SSBP2: variants seen among roughly 807,000 people sequenced by gnomAD.
The protein encoded by SSBP2 is single-stranded DNA-binding protein 2.
In SSBP2, 17 loss-of-function variants were observed where a neutral mutation model predicts 61.8. The ratio of observed to expected loss-of-function variants is 0.28; its 90% CI spans 0.19 to 0.41. The LOEUF is 0.41. Ranked by LOEUF, SSBP2 falls within the 10% of genes least tolerant of loss-of-function variation. SSBP2 has a pLI of 1.00. For missense variants in SSBP2, 310 were observed against 458.7 expected (o/e 0.68, Z 2.96); for synonymous variants, 139 against 141.3 (o/e 0.98, Z 0.12).
intron 2 of SSBP2, among the ~76,000 whole-genome samples, chr5:81,640,802 G>A (rs977267370): frequency 6.6e-6 from 1 of 151,808 alleles, no homozygotes; most frequent in Non-Finnish European, 1.5e-5. Context: ...AAAAACCTAT[G>A]TCTCATCCTT....
chr5:81,578,877 C>T (rs950847596), intron 4 of SSBP2, among the ~76,000 whole-genome samples: 1 of 151,872 alleles, frequency 6.6e-6, no homozygotes, highest in Non-Finnish European at 1.5e-5. Flanking sequence ...TGCCACACTC[C>T]CTAAGTAACA....
chr5:81,661,865 T>C (rs901216717), intron 1 of SSBP2, among the ~76,000 whole-genome samples: 5 of 152,210 alleles, frequency 3.3e-5, no homozygotes, highest in African/African-American at 1.2e-4. Flanking sequence ...TTACCTACTT[T>C]TGCTTTTGTT....
At chr5:81,634,798 C>G (rs1332788323) in intron 3 of SSBP2, among the ~76,000 whole-genome samples, 1 of 152,198 alleles carries the variant, frequency 6.6e-6, no homozygotes, top group African/African-American at 2.4e-5. Flanking sequence ...AAAACATCCC[C>G]CTTCTCTATC....
intron 1 of SSBP2, among the ~76,000 whole-genome samples, chr5:81,744,487 CT>C (rs1281778406): frequency 6.6e-6 from 1 of 151,914 alleles, no homozygotes; most frequent in Non-Finnish European, 1.5e-5. Context: ...TTATTCTTGC[CT>C]TTACAAATAT....
chr5:81,455,801 A>T (rs1291282176), intron 10 of SSBP2, among the ~76,000 whole-genome samples: 1 of 152,220 alleles, frequency 6.6e-6, no homozygotes, highest in Non-Finnish European at 1.5e-5. Flanking sequence ...TTGACAGAGA[A>T]TAAAATTAAG....
At chr5:81,556,577 G>A (rs969325422) in intron 4 of SSBP2, among the ~76,000 whole-genome samples, 1 of 152,072 alleles carries the variant, frequency 6.6e-6, no homozygotes, top group Non-Finnish European at 1.5e-5. Flanking sequence ...CTGTGACAAT[G>A]ATAGAGGTCT....
intron 1 of SSBP2, among the ~76,000 whole-genome samples, chr5:81,717,142 A>C (rs895007897): frequency 2.0e-5 from 3 of 152,134 alleles, no homozygotes; most frequent in Non-Finnish European, 2.9e-5. Flanking sequence ...GGGTATGGCC[A>C]GAATGCAAGA....
rs59002679 is a variant in SSBP2, at chr5:81,444,776, A to G, written c.779-2053T>C. Among the ~76,000 whole-genome samples the G allele has an allele frequency of 4.8e-3, 736 of 152,244 alleles. 2 individuals carry two copies. The highest frequency in any genetic ancestry group is 0.016 in the African/African-American group (681 of 41,552). Reference sequence around the variant, plus strand: ...AGAAAAGAAATTTATCATTTTAAAGACTAATCAAGAATATAATTTCATCTG... The same window carrying G: ...AGAAAAGAAATTTATCATTTTAAAGGCTAATCAAGAATATAATTTCATCTG... On this transcript the variant is annotated intron_variant, in intron 12 of 16. Transcript: ENST00000320672.
intron 14 of SSBP2, 55 bp downstream of exon 14, chr5:81,440,503 T>A: frequency 6.7e-7 from 1 of 1,482,820 alleles, no homozygotes; most frequent in Non-Finnish European, 9.4e-7. Context: ...ATGCACTAGG[T>A]AGAATTAAGG....
chr5:81,669,791 AGAAAT>A (rs760486047), intron 1 of SSBP2, among the ~76,000 whole-genome samples: 1 of 152,094 alleles, frequency 6.6e-6, no homozygotes, highest in East Asian at 1.9e-4. Context: ...TTTTTAAAGA[AGAAAT>A]GAAGAAAAAA....
intron 4 of SSBP2, among the ~76,000 whole-genome samples, chr5:81,568,122 T>C (rs1335296128): frequency 1.3e-5 from 2 of 152,118 alleles, no homozygotes; most frequent in African/African-American, 2.4e-5. Context: ...TGTGAAGATA[T>C]GAGATTTTGG....
intron 4 of SSBP2, among the ~76,000 whole-genome samples, chr5:81,583,432 A>G (rs1360771570): frequency 4.6e-5 from 7 of 152,056 alleles, no homozygotes; most frequent in Non-Finnish European, 8.8e-5. Flanking sequence ...GATTGAGACC[A>G]TCCTGGCTAA....
intron 4 of SSBP2, among the ~76,000 whole-genome samples, chr5:81,584,145 GT>G (rs553993510): frequency 3.9e-3 from 594 of 151,824 alleles, no homozygotes; most frequent in African/African-American, 0.013. Flanking sequence ...AAGTAGGTAG[GT>G]TTTTTTTATA....
chr5:81,590,006 T>A (rs908633341), intron 4 of SSBP2, among the ~76,000 whole-genome samples: 3 of 152,088 alleles, frequency 2.0e-5, no homozygotes, highest in Non-Finnish European at 4.4e-5. Flanking sequence ...AGATTAAGTT[T>A]CCAACACAAA....
At chr5:81,738,194 T>C (rs1263170353) in intron 1 of SSBP2, among the ~76,000 whole-genome samples, 1 of 152,208 alleles carries the variant, frequency 6.6e-6, no homozygotes, top group African/African-American at 2.4e-5. Flanking sequence ...TCCAGAGTGC[T>C]GGTAATGTTC....
chr5:81,658,272 T>C (rs1413114318), intron 1 of SSBP2, among the ~76,000 whole-genome samples: 7 of 152,184 alleles, frequency 4.6e-5, no homozygotes, highest in Admixed American at 1.3e-4. Flanking sequence ...ATGGCTTCAA[T>C]GTTTTTAGAT....
At chr5:81,634,466 A>G (rs1011758180) in intron 3 of SSBP2, among the ~76,000 whole-genome samples, 1 of 152,172 alleles carries the variant, frequency 6.6e-6, no homozygotes, top group African/African-American at 2.4e-5. Flanking sequence ...CACCTTGGGA[A>G]CATGTTCTCA....
At chr5:81,669,195 A>G (rs1214026484) in intron 1 of SSBP2, among the ~76,000 whole-genome samples, 1 of 152,240 alleles carries the variant, frequency 6.6e-6, no homozygotes, top group East Asian at 1.9e-4. Flanking sequence ...AATTCTGGCA[A>G]TGATGTAGAG....
chr5:81,599,081 A>G (rs1245416770), intron 4 of SSBP2, among the ~76,000 whole-genome samples: 1 of 152,146 alleles, frequency 6.6e-6, no homozygotes. Context: ...AGGGCCCTGA[A>G]CCCCACAGCA....
Sources: gnomAD v4.1 joint callset for allele counts (sites outside exome capture counted in the v4.1 genomes callset) on GRCh38, gnomAD v4.1.1 for gene constraint, MANE v1.5 for transcripts, NCBI Gene and HGNC (gene_info 2026-07-23, HGNC 2026-07-21) for gene names.